Variants in VPS39 observed in about 807,000 individuals in gnomAD.
VPS39 encodes the protein VPS39 subunit of HOPS complex, also known as vam6/Vps39-like protein.
Under a neutral mutation model 121.0 loss-of-function variants are expected in VPS39, and 70 were observed. The ratio of observed to expected loss-of-function variants is 0.58; its 90% CI spans 0.48 to 0.71. The LOEUF is 0.71. Among genes scored for constraint, VPS39 ranks in the 30% least tolerant of loss-of-function variants. VPS39 has a pLI of 0.00. For missense variants in VPS39, 818 were observed against 1,051.5 expected, an observed-to-expected ratio of 0.78 and a Z score of 3.07; for synonymous variants, 378 against 398.1, an observed-to-expected ratio of 0.95 and a Z score of 0.60.
At chr15:42,207,989 C>A (rs1462778379) in intron 1 of VPS39, 92 bp downstream of exon 1, 3 of 1,397,374 alleles carry the variant, frequency 2.1e-6, no homozygotes, top group Non-Finnish European at 3.0e-6. Context: ...GAAGCCCACA[C>A]GGATGGACGC....
chr15:42,197,693 T>C (rs751163651), intron 2 of VPS39, among the ~76,000 whole-genome samples: 2 of 152,180 alleles, frequency 1.3e-5, no homozygotes, highest in Non-Finnish European at 2.9e-5. Context: ...TGTCACTGGC[T>C]CAACTGAGCT....
intron 10 of VPS39, among the ~76,000 whole-genome samples, chr15:42,177,115 A>G (rs1265991636): frequency 1.0e-4 from 15 of 148,236 alleles, no homozygotes; most frequent in East Asian, 4.0e-4. Flanking sequence ...GTGAGCCAAG[A>G]CTGCATCACT....
intron 8 of VPS39, among the ~76,000 whole-genome samples, chr15:42,180,664 A>G (rs892573873): frequency 6.6e-6 from 1 of 152,276 alleles, no homozygotes; most frequent in South Asian, 2.1e-4. Context: ...ACAAGACTGA[A>G]TAAGGATCTG....
chr15:42,185,122 C>T (rs2412671), intron 7 of VPS39, among the ~76,000 whole-genome samples: 5,036 of 152,072 alleles, frequency 0.033, 215 homozygotes, highest in Admixed American at 0.097. Flanking sequence ...TTTACACAAA[C>T]GCTTGTATGC....
intron 6 of VPS39, among the ~76,000 whole-genome samples, 164 bp downstream of exon 6, chr15:42,187,594 A>G (rs561202674): frequency 1.3e-5 from 2 of 152,312 alleles, no homozygotes; most frequent in East Asian, 1.9e-4. Flanking sequence ...ATCTATAAAA[A>G]CACTGTAGAA....
At chr15:42,195,276 A>C (rs1011541553) in intron 2 of VPS39, among the ~76,000 whole-genome samples, 1 of 152,124 alleles carries the variant, frequency 6.6e-6, no homozygotes, top group African/African-American at 2.4e-5. Flanking sequence ...CCCTGTCTCT[A>C]AAATAGTACA....
At chr15:42,198,609 G>A (rs1406275128) in intron 2 of VPS39, among the ~76,000 whole-genome samples, 1 of 152,082 alleles carries the variant, frequency 6.6e-6, no homozygotes, top group African/African-American at 2.4e-5. Context: ...CCAAAGTGCT[G>A]GGATTATAGG....
At position 42,164,982 on chromosome 15, in the gene VPS39, A is replaced by G; in HGVS notation, c.1897+14T>C. The G allele has an allele frequency of 1.2e-6, 2 of 1,614,088 alleles. No individual in the cohort carries two copies. The highest frequency in any genetic ancestry group is 1.3e-5 in the African/African-American group (1 of 75,054). The stretch of plus-strand genomic sequence containing the variant: ...AAGGCCTGGGGCCAACCGGCTTCCT[A>G]AAAGAACTGGTACCTGCAGGGAAGG... On this transcript the variant is annotated intron_variant, in intron 18 of 24. Coordinates refer to ENST00000318006, the MANE Select transcript of VPS39 (RefSeq NM_015289.5).
intron 4 of VPS39, among the ~76,000 whole-genome samples, chr15:42,189,819 T>TTC (rs376361986): frequency 0.027 from 2,222 of 82,736 alleles, 405 homozygotes; most frequent in African/African-American, 0.08. Context: ...TTTTTTTTTT[T>TTC]TGAGGCACGG....
chr15:42,184,492 A>G lies in VPS39; in HGVS notation c.718+25T>C, dbSNP rs371963365. 5.7e-6 allele frequency: 9 copies of G among 1,567,750 alleles called. No homozygotes were observed. The African/African-American group carries it at 1.2e-4, about 21-fold the overall frequency. On this transcript the variant is annotated intron_variant, in intron 8 of 24. Coordinates refer to ENST00000318006, the MANE Select transcript of VPS39 (RefSeq NM_015289.5). The stretch of plus-strand genomic sequence containing the variant: ...GCACACAACCTCAACCCAAAGTGGG[A>G]AACAGCAGCTACTGTTGGTCTCACC...
chr15:42,174,306 A>G (rs1318552622), intron 10 of VPS39, among the ~76,000 whole-genome samples: 1 of 152,186 alleles, frequency 6.6e-6, no homozygotes, highest in African/African-American at 2.4e-5. Context: ...TCCACCTTGC[A>G]GCCTGCCCTT....
intron 3 of VPS39, 111 bp downstream of exon 3, chr15:42,191,385 A>G: frequency 8.5e-7 from 1 of 1,181,658 alleles, no homozygotes; most frequent in Non-Finnish European, 1.2e-6. Flanking sequence ...GCATAAATAG[A>G]AGGTCAAAGA....
At chr15:42,207,445 G>T (rs897679122) in intron 1 of VPS39, among the ~76,000 whole-genome samples, 4 of 152,150 alleles carry the variant, frequency 2.6e-5, no homozygotes, top group African/African-American at 9.7e-5. Flanking sequence ...AATCCCAAAA[G>T]GACTATGCTA....
chr15:42,167,323 C>A, intron 13 of VPS39, 71 bp downstream of exon 13: 1 of 1,574,568 alleles, frequency 6.4e-7, no homozygotes, highest in Non-Finnish European at 8.6e-7. Context: ...CAGGGTCTAG[C>A]ACTCCCTTTT....
intron 2 of VPS39, among the ~76,000 whole-genome samples, chr15:42,198,131 A>G (rs2140887184): frequency 6.6e-6 from 1 of 152,326 alleles, no homozygotes; most frequent in Middle Eastern, 3.4e-3. Context: ...TAACACTAAT[A>G]TTACCAGTTC....
At chr15:42,166,517 A>G (rs957772973) in intron 15 of VPS39, 46 bp downstream of exon 15, 5 of 1,600,820 alleles carry the variant, frequency 3.1e-6, no homozygotes, top group Non-Finnish European at 4.3e-6. Context: ...AGACCAGGTC[A>G]TTTGAACAGG....
intron 13 of VPS39, 40 bp from the exon 14 acceptor site, chr15:42,166,953 G>T (rs2049255682): frequency 6.2e-7 from 1 of 1,611,484 alleles, no homozygotes; most frequent in African/African-American, 1.3e-5. Flanking sequence ...CTGCTTCCTG[G>T]GGAGCCCCAC....
intron 2 of VPS39, among the ~76,000 whole-genome samples, chr15:42,194,936 GAAAA>G (rs201505332): frequency 3.9e-5 from 5 of 128,674 alleles, no homozygotes; most frequent in African/African-American, 8.3e-5. Flanking sequence ...TCAATACAGT[GAAAA>G]AAAAAAAAAA....
intron 2 of VPS39, among the ~76,000 whole-genome samples, chr15:42,197,335 T>TG (rs1270698398): frequency 8.2e-6 from 1 of 122,286 alleles, no homozygotes; most frequent in Non-Finnish European, 1.7e-5. Context: ...TTAAAAAGAG[T>TG]GGAAAAAAAA....
Sources: gnomAD v4.1 joint callset for allele counts (sites outside exome capture counted in the v4.1 genomes callset) on GRCh38, gnomAD v4.1.1 for gene constraint, MANE v1.5 for transcripts, NCBI Gene and HGNC (gene_info 2026-07-23, HGNC 2026-07-21) for gene names.